The following RAD51AP1 variants were observed in gnomAD, a reference collection of about 807,000 sequenced individuals.
The protein encoded by RAD51AP1 is RAD51 associated protein 1, also known as RAD51-associated protein 1.
Under a neutral mutation model 34.3 loss-of-function variants are expected in RAD51AP1, and 14 were observed. The observed-to-expected ratio is 0.41, with a 90% CI of 0.27 to 0.64. The LOEUF (loss-of-function observed/expected upper bound fraction) is 0.64, where lower values mean the gene tolerates loss of function less well. Among genes scored for constraint, RAD51AP1 ranks in the 30% least tolerant of loss-of-function variants. RAD51AP1 has a pLI of 0.33. For missense variants in RAD51AP1, 348 were observed against 386.9 expected (o/e 0.90, Z 0.84); for synonymous variants, 114 against 129.8 (o/e 0.88, Z 0.83).
chr12:4,544,420 A>T (rs1462360174), intron 3 of RAD51AP1, among the ~76,000 whole-genome samples: 1 of 152,216 alleles, frequency 6.6e-6, no homozygotes, highest in African/African-American at 2.4e-5. Flanking sequence ...GAAAGGAGTG[A>T]AGGAAGTCCT....
At chr12:4,540,304 C>G (rs576156628) in intron 1 of RAD51AP1, among the ~76,000 whole-genome samples, 1 of 152,228 alleles carries the variant, frequency 6.6e-6, no homozygotes, top group South Asian at 2.1e-4. Context: ...GTCATAATCC[C>G]TTTGTAAGGA....
intron 8 of RAD51AP1, among the ~76,000 whole-genome samples, chr12:4,557,594 T>C (rs992741831): frequency 2.0e-5 from 3 of 152,176 alleles, no homozygotes; most frequent in Admixed American, 6.5e-5. Flanking sequence ...TAATTAATGC[T>C]TCCCCAATGA....
chr12:4,548,156 C>T lies in RAD51AP1; in HGVS notation c.384C>T (p.Cys128=). 1 of 1,598,874 alleles carries T rather than the reference C, an allele frequency of 6.3e-7. No individual in the cohort carries two copies. The highest frequency in any genetic ancestry group is 8.5e-7 in the Non-Finnish European group (1 of 1,176,362). The change falls in exon 5 of 9, where the codon TGC becomes TGT. Residue 128 remains cysteine, a synonymous_variant. Transcript: ENST00000352618. ...ATAAGTCTCCTCATATCTCTAATTG[C>T]AGTGTAGCCAGTGATTATTTAGGTA... ...TMNKSPHISN[C]SVASDYLDLD... is the part of the protein sequence containing the mutation.
At chr12:4,555,785 T>G (rs1449124426) in intron 7 of RAD51AP1, among the ~76,000 whole-genome samples, 2 of 152,220 alleles carry the variant, frequency 1.3e-5, no homozygotes, top group Non-Finnish European at 1.5e-5. Flanking sequence ...ACCCCCAGAT[T>G]GCAGTTTCCT....
Position 4,548,692 on chromosome 12 carries a change from G to C in RAD51AP1, c.412G>C (p.Asp138His). 1 of 1,612,252 alleles carries C rather than the reference G, an allele frequency of 6.2e-7. No individual in the cohort carries two copies. The highest frequency in any genetic ancestry group is 8.5e-7 in the Non-Finnish European group (1 of 1,179,490). ...TTTTTATGCCTCTCCTGAAGATTTG[G>C]ATAAGATTACTGTGGAAGATGATGT... is the stretch of plus-strand genomic sequence containing the variant. Reference protein sequence around the residue: ...CSVASDYLDLDKITVEDDVGG... With the variant: ...CSVASDYLDLHKITVEDDVGG... The change falls in exon 6 of 9, where the codon GAT becomes CAT. Residue 138 changes from aspartate to histidine, a missense_variant. Physicochemically the swap from Asp to His is moderately conservative, Grantham distance 81. Coordinates refer to ENST00000352618, the MANE Select transcript of RAD51AP1 (RefSeq NM_006479.5).
chr12:4,538,909 G>C lies in RAD51AP1; in HGVS notation c.-31G>C. 10 of 1,613,100 alleles carry C rather than the reference G, an allele frequency of 6.2e-6. No homozygotes were observed. The highest frequency in any genetic ancestry group is 7.6e-6 in the Non-Finnish European group (9 of 1,179,240). On this transcript the variant is annotated 5_prime_UTR_variant, in exon 1 of 9. Coordinates refer to ENST00000352618, the MANE Select transcript of RAD51AP1 (RefSeq NM_006479.5). ...GCCGCTGAAGCCAACAAGAATTTGA[G>C]AACTGTAAATACCAAGCCTTGAAAG...
At chr12:4,553,273 T>A in intron 7 of RAD51AP1, 126 bp downstream of exon 7, 1 of 825,148 alleles carries the variant, frequency 1.2e-6, no homozygotes, top group Non-Finnish European at 1.8e-6. Context: ...TTAAAATATG[T>A]AAAAGGAAGG....
intron 6 of RAD51AP1, among the ~76,000 whole-genome samples, chr12:4,551,416 AC>A (rs1370191821): frequency 2.0e-5 from 3 of 147,948 alleles, no homozygotes; most frequent in Non-Finnish European, 1.5e-5. Flanking sequence ...AATTGCTTGA[AC>A]CTGGGAGACA....
At position 4,556,475 on chromosome 12, in the gene RAD51AP1, A is replaced by G. The variant is rs1330645796; in HGVS notation, c.844A>G (p.Ser282Gly). ...PLEIRSPSAE[S>G]KKPKWVPPAA... Reference sequence around the variant, plus strand: ...AGAAATACGCAGTCCTTCAGCTGAAAGCAAGAAACCTAAATGGGTCCCACC... The same window carrying G: ...AGAAATACGCAGTCCTTCAGCTGAAGGCAAGAAACCTAAATGGGTCCCACC... The change falls in exon 8 of 9, where the codon AGC becomes GGC. Residue 282 changes from serine to glycine, a missense_variant. Coordinates refer to ENST00000352618, the MANE Select transcript of RAD51AP1 (RefSeq NM_006479.5). 6.2e-7 allele frequency: 1 copy of G among 1,613,828 alleles called. No homozygotes were observed.
rs1472600901 is a variant in RAD51AP1, at chr12:4,541,802, A to C, written c.18-82A>C. On this transcript the variant is annotated intron_variant, in intron 1 of 8. Coordinates refer to ENST00000352618, the MANE Select transcript of RAD51AP1 (RefSeq NM_006479.5). ...ATAAATGAATAATATTAAATAAATA[A>C]ATAATATTCATTAATAGCCTTAAGT... 9 of 516,556 alleles carry C rather than the reference A, an allele frequency of 1.7e-5. No individual in the cohort carries two copies. In the East Asian group the frequency reaches 3.4e-4, roughly 19 times the overall value. 32.0% of individuals were successfully genotyped at this position (516,556 alleles called of 1,614,324 possible).
intron 1 of RAD51AP1, among the ~76,000 whole-genome samples, chr12:4,541,523 A>G (rs1944466530): frequency 6.6e-6 from 1 of 152,164 alleles, no homozygotes; most frequent in African/African-American, 2.4e-5. Context: ...TAGCAATTAT[A>G]AATGTTAATT....
At position 4,540,758 on chromosome 12, in the gene RAD51AP1, G is replaced by A. The variant is rs74061952; in HGVS notation, c.18-1126G>A. ...TTCTTTAACTCTGAAGAGTAAGAGA[G>A]TAATATGAGTGCACTTTTTAATAGT... On this transcript the variant is annotated intron_variant, in intron 1 of 8. Coordinates refer to ENST00000352618, the MANE Select transcript of RAD51AP1 (RefSeq NM_006479.5). Among the ~76,000 whole-genome samples the A allele has an allele frequency of 5.0e-3, 764 of 152,268 alleles. 10 individuals are homozygous for A. The highest frequency in any genetic ancestry group is 0.018 in the African/African-American group (730 of 41,552).
In RAD51AP1 at chr12:4,538,946, C is replaced by G. The variant is rs1160564239; in HGVS notation, c.7C>G (p.Arg3Gly). 1.9e-6 allele frequency: 3 copies of G among 1,613,678 alleles called. No homozygotes were observed. Among genetic ancestry groups the G allele is most frequent in the Non-Finnish European group, 2.5e-6 (3 of 1,179,764 alleles). Residue 3 changes from arginine to glycine, a missense_variant, in exon 1 of 9, where the codon CGG becomes GGG. Transcript: ENST00000352618. ...CCAAGCCTTGAAAGGGACCATGGTG[C>G]GGCCTGTGAGGTGGGTAGTTCCTGA... MV[R>G]PVRHKKPVNY...
chr12:4,544,851 G>A (rs546240193), intron 3 of RAD51AP1, among the ~76,000 whole-genome samples: 1 of 152,292 alleles, frequency 6.6e-6, no homozygotes, highest in South Asian at 2.1e-4. Flanking sequence ...ATCATTAGCT[G>A]TGAGGGCAAT....
At chr12:4,543,961 A>C (rs773212781) in intron 3 of RAD51AP1, 57 bp downstream of exon 3, 252 of 1,401,186 alleles carry the variant, frequency 1.8e-4, no homozygotes, top group Non-Finnish European at 2.3e-4. Flanking sequence ...TTTTAAAGAG[A>C]CACAGATTCG....
chr12:4,541,758 G>A (rs946865695), intron 1 of RAD51AP1, 126 bp from the exon 2 acceptor site: 10 of 290,356 alleles, frequency 3.4e-5, no homozygotes, highest in South Asian at 1.5e-4. Context: ...TATTTATTTC[G>A]TTTATTCATT....
intron 1 of RAD51AP1, among the ~76,000 whole-genome samples, chr12:4,541,617 T>C (rs1161200466): frequency 1.3e-5 from 2 of 152,174 alleles, no homozygotes; most frequent in East Asian, 3.8e-4. Context: ...GTATATCAGG[T>C]ATAGTTGTAA....
intron 6 of RAD51AP1, among the ~76,000 whole-genome samples, chr12:4,551,604 A>G (rs575854692): frequency 6.6e-6 from 1 of 152,290 alleles, no homozygotes; most frequent in South Asian, 2.1e-4. Context: ...CTGCTTCAGC[A>G]AGTCAGACAC....
In RAD51AP1 at chr12:4,548,119, T is replaced by C. The variant is rs1944519503; in HGVS notation, c.347T>C (p.Ile116Thr). The stretch of plus-strand genomic sequence containing the variant: ...ATTGAAAAACATGGCAGTAGTAAAA[T>C]AGAAACAATGAATAAGTCTCCTCAT... ...KSIEKHGSSK[I>T]ETMNKSPHIS... The change falls in exon 5 of 9, where the codon ATA (isoleucine) becomes ACA (threonine). Residue 116 changes from isoleucine (I) to threonine (T), a missense_variant. Ile to Thr is a moderately conservative substitution (Grantham distance 89, BLOSUM62 -1). Transcript: ENST00000352618. 3.7e-6 allele frequency: 6 copies of C among 1,601,588 alleles called. No individual in the cohort carries two copies. Among genetic ancestry groups the C allele is most frequent in the Non-Finnish European group, 5.1e-6 (6 of 1,177,108 alleles).
Sources: allele counts gnomAD v4.1 joint callset (sites outside exome capture counted in the v4.1 genomes callset), GRCh38; gene constraint gnomAD v4.1.1; transcripts MANE v1.5; gene names NCBI Gene and HGNC (gene_info 2026-07-23, HGNC 2026-07-21).